The following SDK1 variants were observed in gnomAD, a reference collection of about 807,000 sequenced individuals.
SDK1 encodes sidekick cell adhesion molecule 1.
Under a neutral mutation model 245.5 loss-of-function variants are expected in SDK1, and 157 were observed. That is an observed-to-expected ratio of 0.64 (90% confidence interval 0.56 to 0.73). SDK1 has a LOEUF of 0.73. Ranked by LOEUF, SDK1 falls within the 30% of genes least tolerant of loss-of-function variation. The pLI, the probability that SDK1 is intolerant of heterozygous loss-of-function variation, is 0.00. For missense variants in SDK1, 3,583 were observed against 3,002.3 expected (o/e 1.19, Z -4.52); for synonymous variants, 1,647 against 1,278.5 (o/e 1.29, Z -6.15).
At chr7:3,358,570 G>A (rs140140202) in intron 1 of SDK1, among the ~76,000 whole-genome samples, 57 of 152,160 alleles carry the variant, frequency 3.7e-4, no homozygotes, top group African/African-American at 1.3e-3. Flanking sequence ...CATAAGTTAA[G>A]GTAGGACTCA....
intron 1 of SDK1, among the ~76,000 whole-genome samples, chr7:3,575,572 G>C (rs1780260537): frequency 6.6e-6 from 1 of 151,968 alleles, no homozygotes; most frequent in African/African-American, 2.4e-5. Flanking sequence ...GCTTTTTGCT[G>C]GGTTTTGATT....
Position 4,139,565 on chromosome 7 carries a change from GTGTATATGTGTGTGTGTATGTGTGTGTA to G in SDK1, c.4229-6155_4229-6128del, listed in dbSNP as rs1562871977. Among the ~76,000 whole-genome samples the G allele has an allele frequency of 4.9e-4, 7 of 14,152 alleles. 1 individual carries two copies. The highest frequency in any genetic ancestry group is 8.1e-4 in the African/African-American group (4 of 4,930). The allele number at this position is 14,152 out of a possible 152,430, so 9.3% of individuals were successfully genotyped here. On this transcript the variant is annotated intron_variant, in intron 28 of 44. Coordinates refer to ENST00000404826, the MANE Select transcript of SDK1 (RefSeq NM_152744.4). ...TATGTGTGTGTATATGTATATATGT[GTGTATATGTGTGTGTGTATGTGTGTGTA>G]TATGTATATATGTGTGTGTATATGT... is the stretch of plus-strand genomic sequence containing the variant.
intron 18 of SDK1, 98 bp downstream of exon 18, chr7:4,049,561 G>A: frequency 2.2e-6 from 2 of 891,914 alleles, no homozygotes; most frequent in East Asian, 2.6e-5. Flanking sequence ...TCAAGAGCTG[G>A]TTGCATTAAG....
rs534200625 is a variant in SDK1 at position 3,917,824 on chromosome 7, A to G, written c.848-33099A>G. ...TACACACATGCACATGTATGTAGATAGCGTGGCAAGTGCATGCACACACAA... is the reference window on the plus strand; with the variant it reads ...TACACACATGCACATGTATGTAGATGGCGTGGCAAGTGCATGCACACACAA... On this transcript the variant is annotated intron_variant, in intron 5 of 44. Coordinates refer to ENST00000404826, the MANE Select transcript of SDK1 (RefSeq NM_152744.4). Among the ~76,000 whole-genome samples the G allele has an allele frequency of 7.2e-5, 11 of 152,302 alleles. No individual in the cohort carries two copies. In the East Asian group the frequency reaches 2.1e-3, roughly 29 times the overall value.
intron 1 of SDK1, among the ~76,000 whole-genome samples, chr7:3,594,093 ACTCT>A (rs1009481890): frequency 1.3e-5 from 2 of 152,048 alleles, no homozygotes; most frequent in South Asian, 2.1e-4. Flanking sequence ...ACTAGGAGTC[ACTCT>A]CTATCTCCTC....
intron 17 of SDK1, among the ~76,000 whole-genome samples, chr7:4,025,046 ACAC>A (rs1204072399): frequency 2.0e-5 from 3 of 151,414 alleles, no homozygotes; most frequent in Non-Finnish European, 4.4e-5. Flanking sequence ...ACACACACAC[ACAC>A]AAACAGAGCA....
At chr7:3,621,928 G>C (rs547113945) in intron 2 of SDK1, among the ~76,000 whole-genome samples, 4 of 152,226 alleles carry the variant, frequency 2.6e-5, no homozygotes, top group African/African-American at 7.2e-5. Context: ...AAACCCTTCT[G>C]TTTTTTACTT....
chr7:3,861,490 A>AC (rs892075531), intron 5 of SDK1, among the ~76,000 whole-genome samples: 1 of 151,932 alleles, frequency 6.6e-6, no homozygotes, highest in African/African-American at 2.4e-5. Flanking sequence ...GTTTCCACTG[A>AC]CCCCCTGCTG....
intron 5 of SDK1, among the ~76,000 whole-genome samples, chr7:3,950,164 C>A (rs1780743900): frequency 6.6e-6 from 1 of 152,226 alleles, no homozygotes; most frequent in Non-Finnish European, 1.5e-5. Flanking sequence ...GCCCGGTAAC[C>A]ATGCCCGGTA....
In SDK1 at chr7:3,865,229, G is replaced by A. The variant is rs75921515; in HGVS notation, c.847+43646G>A. 8.1e-3 allele frequency among the ~76,000 whole-genome samples: 1,234 copies of A among 152,302 alleles called. 20 individuals are homozygous for A. Among genetic ancestry groups the A allele is most frequent in the African/African-American group, 0.028 (1,164 of 41,570 alleles). ...AGGAGGGCCCAGGGGGCTGGAGGTT[G>A]TGGAAGCAGGGAGTGTGGGAGGCCT... is the stretch of plus-strand genomic sequence containing the variant. On this transcript the variant is annotated intron_variant, in intron 5 of 44. Transcript: ENST00000404826.
chr7:3,797,875 A>T (rs1039367566), intron 4 of SDK1, among the ~76,000 whole-genome samples: 1 of 152,172 alleles, frequency 6.6e-6, no homozygotes, highest in African/African-American at 2.4e-5. Context: ...ACTTTTCTGT[A>T]CAGATGTCAA....
intron 35 of SDK1, among the ~76,000 whole-genome samples, chr7:4,194,347 G>GT (rs1562415871): frequency 9.5e-6 from 1 of 105,220 alleles, no homozygotes; most frequent in East Asian, 2.3e-4. Context: ...TACATGTATA[G>GT]ATATATGTAT....
At chr7:3,856,518 T>G (rs1040683224) in intron 5 of SDK1, among the ~76,000 whole-genome samples, 2 of 141,942 alleles carry the variant, frequency 1.4e-5, no homozygotes, top group African/African-American at 2.6e-5. Flanking sequence ...TGGCCGGGCA[T>G]GGTGGCTCAC....
intron 19 of SDK1, among the ~76,000 whole-genome samples, chr7:4,065,022 CAAT>C (rs1250764604): frequency 2.0e-5 from 3 of 152,020 alleles, no homozygotes; most frequent in East Asian, 1.9e-4. Flanking sequence ...CTACAGCTAA[CAAT>C]GATGTATATT....
chr7:4,084,870 C>G (rs1159443119), intron 22 of SDK1, among the ~76,000 whole-genome samples: 1 of 152,106 alleles, frequency 6.6e-6, no homozygotes, highest in Non-Finnish European at 1.5e-5. Context: ...TCAAGTGATT[C>G]TCCTGCCTCA....
At chr7:4,068,799 G>T (rs1780062215) in intron 20 of SDK1, among the ~76,000 whole-genome samples, 1 of 151,990 alleles carries the variant, frequency 6.6e-6, no homozygotes, top group South Asian at 2.1e-4. Flanking sequence ...TCGGCTCACT[G>T]CAACCTCCAC....
At chr7:3,869,738 C>G (rs1039923540) in intron 5 of SDK1, among the ~76,000 whole-genome samples, 1 of 152,200 alleles carries the variant, frequency 6.6e-6, no homozygotes, top group African/African-American at 2.4e-5. Flanking sequence ...GACACTGGCT[C>G]TCTCAGGCAG....
intron 22 of SDK1, among the ~76,000 whole-genome samples, chr7:4,085,782 T>TA (rs1435243789): frequency 6.6e-6 from 1 of 152,126 alleles, no homozygotes; most frequent in Non-Finnish European, 1.5e-5. Flanking sequence ...CTTGAACTCC[T>TA]AACCTCAAGT....
Position 3,574,765 on chromosome 7 carries a change from C to G in SDK1, c.299-44315C>G, listed in dbSNP as rs1780231828. On this transcript the variant is annotated intron_variant, in intron 1 of 44. Transcript: ENST00000404826. ...TTTCATTTAAAGTTACGAAACAAAC[C>G]AACTACTCAAAGGCAGAAATAAGGA... Among the ~76,000 whole-genome samples, 2 of 152,008 alleles carry G rather than the reference C, an allele frequency of 1.3e-5. 1 individual carries two copies. Among genetic ancestry groups the G allele is most frequent in the Non-Finnish European group, 2.9e-5 (2 of 67,960 alleles).
Sources: allele counts gnomAD v4.1 joint callset (sites outside exome capture counted in the v4.1 genomes callset), GRCh38; gene constraint gnomAD v4.1.1; transcripts MANE v1.5; gene names NCBI Gene and HGNC (gene_info 2026-07-23, HGNC 2026-07-21).